The following NARS2 variants were observed in gnomAD, a reference collection of about 807,000 sequenced individuals.
NARS2 encodes the protein asparaginyl-tRNA synthetase 2, mitochondrial, also known as asparaginyl-tRNA synthetase.
A neutral mutation model predicts 62.9 loss-of-function variants in NARS2; 60 were observed. The observed-to-expected ratio is 0.95, with a 90% CI of 0.77 to 1.18. NARS2 has a LOEUF of 1.18. Ranked by LOEUF, NARS2 falls within the 50% of genes most tolerant of loss-of-function variation. NARS2 has a pLI of 0.00. For synonymous variants in NARS2, 196 were observed against 200.0 expected, an observed-to-expected ratio of 0.98 and a Z score of 0.17; for missense variants, 619 against 576.4, an observed-to-expected ratio of 1.07 and a Z score of -0.76.
rs1555041423 is a variant in NARS2, at chr11:78,554,508, C to CATGTGTGTGTGTGT, written c.594+5030_594+5031insACACACACACACAT. On this transcript the variant is annotated intron_variant, in intron 5 of 13. Transcript: ENST00000281038. ...TTAGCTGTATTCCTAGGCGTGTGTG[C>CATGTGTGTGTGTGT]GTGTGTGTGTGTGTGTGTGTGTCAA... Among the ~76,000 whole-genome samples the CATGTGTGTGTGTGT allele has an allele frequency of 1.2e-4, 18 of 147,016 alleles. 1 individual carries two copies. The South Asian group carries it at 3.5e-3, about 28-fold the overall frequency.
chr11:78,510,892 A>G (rs1394161820), intron 6 of NARS2, among the ~76,000 whole-genome samples: 3 of 152,246 alleles, frequency 2.0e-5, no homozygotes, highest in Admixed American at 6.5e-5. Flanking sequence ...GAGTGAAAGA[A>G]GACAGCTACA....
intron 5 of NARS2, among the ~76,000 whole-genome samples, chr11:78,547,166 A>G (rs1254882403): frequency 6.6e-6 from 1 of 152,160 alleles, no homozygotes; most frequent in African/African-American, 2.4e-5. Flanking sequence ...CCCTGTATCC[A>G]TAAAAAATTT....
chr11:78,447,169 T>TG (rs76889460), intron 11 of NARS2, among the ~76,000 whole-genome samples: 34,074 of 150,600 alleles, frequency 0.23, 4,161 homozygotes, highest in East Asian at 0.42. Flanking sequence ...CTGTTAGTGT[T>TG]TTTTTTTTTC....
Position 78,574,565 on chromosome 11 carries a change from C to CA in NARS2, c.-78_-77insT. 10 of 1,459,992 alleles carry CA rather than the reference C, an allele frequency of 6.8e-6. No homozygotes were observed. Among genetic ancestry groups the CA allele is most frequent in the Non-Finnish European group, 9.1e-6 (10 of 1,100,476 alleles). 90.4% of individuals were successfully genotyped at this position (1,459,992 alleles called of 1,614,324 possible). On this transcript the variant is annotated 5_prime_UTR_variant, in exon 1 of 14. In the 5' UTR this introduces an upstream ATG that the reference lacks. Transcript: ENST00000281038. ...ACCCCGCCTGCAGCGGCCCTCCTTT[C>CA]TCAGCTGCTCCCCTTCCGCGGCCGC...
At chr11:78,462,311 T>C (rs1453274891) in intron 11 of NARS2, among the ~76,000 whole-genome samples, 1 of 152,174 alleles carries the variant, frequency 6.6e-6, no homozygotes, top group East Asian at 1.9e-4. Flanking sequence ...ATAATCTAGG[T>C]CCTAATGTCT....
At chr11:78,538,525 A>C (rs1855463325) in intron 5 of NARS2, among the ~76,000 whole-genome samples, 1 of 152,266 alleles carries the variant, frequency 6.6e-6, no homozygotes, top group South Asian at 2.1e-4. Flanking sequence ...AAGCAGTAAC[A>C]AGCAAGCAGA....
intron 6 of NARS2, among the ~76,000 whole-genome samples, chr11:78,498,873 GCATCCT>G (rs1414348639): frequency 6.8e-6 from 1 of 146,376 alleles, no homozygotes; most frequent in African/African-American, 2.5e-5. Flanking sequence ...GTTCATTATG[GCATCCT>G]CATCCTCAGT....
Position 78,574,527 on chromosome 11 carries a change from C to A in NARS2, c.-39G>T, listed in dbSNP as rs1393417419. On this transcript the variant is annotated 5_prime_UTR_variant, in exon 1 of 14. Coordinates refer to ENST00000281038, the MANE Select transcript of NARS2 (RefSeq NM_024678.6). ...AGGCCCTCCGCGGGAGCAGCCCAGACCCCACGGTTCGAACCCCGCCTGCAG... is the reference window on the plus strand; with the variant it reads ...AGGCCCTCCGCGGGAGCAGCCCAGAACCCACGGTTCGAACCCCGCCTGCAG... The A allele has an allele frequency of 1.7e-5, 27 of 1,555,994 alleles. No homozygotes were observed. In the East Asian group the frequency reaches 1.9e-4, roughly 11 times the overall value.
intron 9 of NARS2, among the ~76,000 whole-genome samples, chr11:78,477,033 A>C (rs575493207): frequency 6.6e-6 from 1 of 152,196 alleles, no homozygotes; most frequent in East Asian, 1.9e-4. Flanking sequence ...TGAGCTACTG[A>C]TGTATGTAAA....
At position 78,571,345 on chromosome 11, in the gene NARS2, G is replaced by A; in HGVS notation, c.241C>T (p.Leu81Phe). 1 of 1,610,272 alleles carries A rather than the reference G, an allele frequency of 6.2e-7. No homozygotes were observed. Among genetic ancestry groups the A allele is most frequent in the Non-Finnish European group, 8.5e-7 (1 of 1,176,778 alleles). The change falls in exon 2 of 14, where the codon CTT becomes TTT. Residue 81 changes from leucine (L) to phenylalanine (F), a missense_variant. Coordinates refer to ENST00000281038, the MANE Select transcript of NARS2 (RefSeq NM_024678.6). ...ESLQVVADSG[L>F]DSRELNFGSS... ...AAAAACAAAACTCACCTACTGTCAA[G>A]GCCTGAATCTGCAACAACCTGAAGG...
intron 5 of NARS2, among the ~76,000 whole-genome samples, chr11:78,536,787 A>G (rs527283203): frequency 3.9e-5 from 6 of 152,320 alleles, no homozygotes; most frequent in Admixed American, 2.0e-4. Flanking sequence ...AGTTTGCAGT[A>G]ATGTCCTAGG....
intron 5 of NARS2, among the ~76,000 whole-genome samples, chr11:78,540,769 T>C (rs1279322780): frequency 6.6e-6 from 1 of 152,232 alleles, no homozygotes; most frequent in Non-Finnish European, 1.5e-5. Flanking sequence ...GTAAGCTCCA[T>C]ATAACCACTG....
intron 6 of NARS2, among the ~76,000 whole-genome samples, chr11:78,525,185 A>C (rs1861252715): frequency 1.3e-5 from 2 of 152,122 alleles, no homozygotes; most frequent in Non-Finnish European, 2.9e-5. Context: ...GGGCAGCAAA[A>C]ACTATTCTGT....
intron 7 of NARS2, among the ~76,000 whole-genome samples, chr11:78,485,052 A>T (rs751754461): frequency 1.3e-5 from 2 of 152,270 alleles, no homozygotes; most frequent in Non-Finnish European, 2.9e-5. Flanking sequence ...AATACCATGC[A>T]GCCATAAAAA....
intron 5 of NARS2, among the ~76,000 whole-genome samples, chr11:78,547,746 G>C (rs979692582): frequency 5.9e-5 from 9 of 152,188 alleles, no homozygotes; most frequent in African/African-American, 1.9e-4. Flanking sequence ...CGTATGACTA[G>C]ACTAGTCTTA....
At chr11:78,509,345 G>A (rs1288611313) in intron 6 of NARS2, among the ~76,000 whole-genome samples, 7 of 151,982 alleles carry the variant, frequency 4.6e-5, no homozygotes, top group South Asian at 2.1e-4. Flanking sequence ...TGGTCCTGCC[G>A]GGTGAAATGA....
At chr11:78,561,741 A>C (rs904917161) in intron 4 of NARS2, among the ~76,000 whole-genome samples, 1 of 152,214 alleles carries the variant, frequency 6.6e-6, no homozygotes, top group Non-Finnish European at 1.5e-5. Flanking sequence ...GACAACATAA[A>C]GTGACAGCAA....
At chr11:78,554,303 G>T (rs137943043) in intron 5 of NARS2, among the ~76,000 whole-genome samples, 126 of 152,218 alleles carry the variant, frequency 8.3e-4, no homozygotes, top group African/African-American at 2.7e-3. Context: ...GAGGAATGTT[G>T]TTGATAGTTT....
chr11:78,565,565 G>A (rs1337382720), intron 4 of NARS2, among the ~76,000 whole-genome samples: 1 of 152,154 alleles, frequency 6.6e-6, no homozygotes, highest in Non-Finnish European at 1.5e-5. Flanking sequence ...AGTCTGGAGA[G>A]ACCCAAGTGG....
Sources: gnomAD v4.1 joint callset for allele counts (sites outside exome capture counted in the v4.1 genomes callset) on GRCh38, gnomAD v4.1.1 for gene constraint, MANE v1.5 for transcripts, NCBI Gene and HGNC (gene_info 2026-07-23, HGNC 2026-07-21) for gene names.